NAALADL2: variants seen among roughly 807,000 people sequenced by gnomAD.
NAALADL2 encodes the protein N-acetylated alpha-linked acidic dipeptidase like 2.
In NAALADL2, 76 loss-of-function variants were observed where a neutral mutation model predicts 87.2. The ratio of observed to expected loss-of-function variants is 0.87; its 90% confidence interval spans 0.72 to 1.05. The LOEUF (loss-of-function observed/expected upper bound fraction) is 1.05. Ranked by LOEUF, NAALADL2 falls within the 50% of genes least tolerant of loss-of-function variation. The pLI is 0.00. For synonymous variants in NAALADL2, 354 were observed against 331.0 expected (o/e 1.07, Z -0.75); for missense variants, 1,089 against 945.8 (o/e 1.15, Z -1.99).
At chr3:175,140,818 A>C (rs1158381389) in intron 2 of NAALADL2, among the ~76,000 whole-genome samples, 1 of 152,240 alleles carries the variant, frequency 6.6e-6, no homozygotes, top group East Asian at 1.9e-4. Flanking sequence ...AACAGAGGGA[A>C]GATGTTGAGT....
chr3:175,796,709 C>G (rs1477749774), intron 13 of NAALADL2, among the ~76,000 whole-genome samples: 1 of 152,080 alleles, frequency 6.6e-6, no homozygotes, highest in Non-Finnish European at 1.5e-5. Flanking sequence ...GCATGTATAC[C>G]CAGTCAGTTT....
intron 9 of NAALADL2, among the ~76,000 whole-genome samples, chr3:175,571,207 G>T (rs554875158): frequency 6.6e-6 from 1 of 152,056 alleles, no homozygotes; most frequent in African/African-American, 2.4e-5. Flanking sequence ...AACTGTACTT[G>T]CAAAGAGCAT....
At chr3:175,210,533 A>G (rs1159877760) in intron 2 of NAALADL2, among the ~76,000 whole-genome samples, 1 of 151,794 alleles carries the variant, frequency 6.6e-6, no homozygotes, top group Non-Finnish European at 1.5e-5. Context: ...GTAATTATAT[A>G]TTAAATCTTA....
intron 5 of NAALADL2, among the ~76,000 whole-genome samples, chr3:175,368,699 A>G (rs1363096627): frequency 6.6e-6 from 1 of 152,022 alleles, no homozygotes; most frequent in African/African-American, 2.4e-5. Context: ...TTGTTGAGAG[A>G]ACATCATAGA....
intron 9 of NAALADL2, among the ~76,000 whole-genome samples, chr3:175,549,982 G>A (rs375786659): frequency 4.9e-4 from 75 of 152,186 alleles, no homozygotes; most frequent in African/African-American, 1.7e-3. Context: ...GGTAGGCCCA[G>A]AAGCTTATAT....
chr3:175,652,460 T>C (rs1730889302), intron 11 of NAALADL2, among the ~76,000 whole-genome samples: 1 of 151,360 alleles, frequency 6.6e-6, no homozygotes. Flanking sequence ...TGCTTAGGAC[T>C]GTTTATTTTC....
intron 2 of NAALADL2, among the ~76,000 whole-genome samples, chr3:174,718,271 A>C (rs1372496854): frequency 6.6e-6 from 1 of 152,152 alleles, no homozygotes; most frequent in Non-Finnish European, 1.5e-5. Flanking sequence ...ATATTATTTA[A>C]ATGTTTACAA....
At chr3:174,885,894 T>G (rs1411920503) in intron 1 of NAALADL2, among the ~76,000 whole-genome samples, 8 of 28,404 alleles carry the variant, frequency 2.8e-4, no homozygotes, top group African/African-American at 1.4e-3. Flanking sequence ...TTTTTTTTTT[T>G]TTTTTTTTTT....
Position 175,440,549 on chromosome 3 carries a change from G to A in NAALADL2, c.1091-6680G>A, listed in dbSNP as rs879694563. Among the ~76,000 whole-genome samples, 29 of 151,888 alleles carry A rather than the reference G, an allele frequency of 1.9e-4. 1 individual carries two copies. Among genetic ancestry groups the A allele is most frequent in the Admixed American group, 1.5e-3 (23 of 15,234 alleles). Reference sequence around the variant, plus strand: ...TGTGTTTCCATTTGTTTGTGTCATCGATGATTTCTTTCAGTAGTGTTTTGT... The same window carrying A: ...TGTGTTTCCATTTGTTTGTGTCATCAATGATTTCTTTCAGTAGTGTTTTGT... On this transcript the variant is annotated intron_variant, in intron 5 of 13. Transcript: ENST00000454872.
At chr3:175,768,555 G>A (rs778839115) in intron 13 of NAALADL2, among the ~76,000 whole-genome samples, 1 of 150,632 alleles carries the variant, frequency 6.6e-6, no homozygotes, top group African/African-American at 2.4e-5. Flanking sequence ...ATTCGGCCAG[G>A]CATTTGTTTT....
chr3:175,129,559 A>G (rs892168016), intron 2 of NAALADL2, among the ~76,000 whole-genome samples: 1 of 152,158 alleles, frequency 6.6e-6, no homozygotes. Context: ...AAAAGTGTAA[A>G]CTGTCTGTGT....
At chr3:175,359,731 T>A (rs147247315) in intron 5 of NAALADL2, among the ~76,000 whole-genome samples, 276 of 152,264 alleles carry the variant, frequency 1.8e-3, no homozygotes, top group African/African-American at 5.9e-3. Flanking sequence ...TTAAATTATA[T>A]GGAATAGAGA....
intron 2 of NAALADL2, among the ~76,000 whole-genome samples, chr3:175,181,763 A>ATATGTGTATC (rs1736578407): frequency 7.3e-6 from 1 of 136,628 alleles, no homozygotes; most frequent in Non-Finnish European, 1.5e-5. Context: ...ATGTGTGTAT[A>ATATGTGTATC]TATGTGTGTA....
At chr3:174,728,669 T>C (rs1732424557) in intron 2 of NAALADL2, among the ~76,000 whole-genome samples, 1 of 152,032 alleles carries the variant, frequency 6.6e-6, no homozygotes. Flanking sequence ...ATTTCACATA[T>C]GAGGAAATAA....
intron 3 of NAALADL2, among the ~76,000 whole-genome samples, chr3:174,828,887 T>A (rs1418260193): frequency 6.6e-6 from 1 of 152,160 alleles, no homozygotes; most frequent in African/African-American, 2.4e-5. Context: ...ATGCTCTACA[T>A]TGATAGATAA....
intron 1 of NAALADL2, among the ~76,000 whole-genome samples, chr3:174,530,668 C>A (rs1293427182): frequency 6.6e-6 from 1 of 152,144 alleles, no homozygotes; most frequent in Non-Finnish European, 1.5e-5. Flanking sequence ...GAGAAGAGAG[C>A]TTGTGTAGGG....
intron 1 of NAALADL2, among the ~76,000 whole-genome samples, chr3:174,893,867 T>C (rs535599778): frequency 1.3e-5 from 2 of 152,038 alleles, no homozygotes; most frequent in Non-Finnish European, 2.9e-5. Flanking sequence ...CCCTAACTTA[T>C]TAATAATAAC....
At chr3:175,000,922 C>G (rs1344946639) in intron 1 of NAALADL2, among the ~76,000 whole-genome samples, 1 of 152,174 alleles carries the variant, frequency 6.6e-6, no homozygotes, top group Non-Finnish European at 1.5e-5. Context: ...TAGCAGAAGA[C>G]AGGAAGCAAT....
chr3:174,547,730 T>C (rs1379298886), intron 1 of NAALADL2, among the ~76,000 whole-genome samples: 1 of 152,156 alleles, frequency 6.6e-6, no homozygotes, highest in Non-Finnish European at 1.5e-5. Flanking sequence ...CCTAGAGCAA[T>C]AGTTCTGAGT....
Sources: gnomAD v4.1 joint callset for allele counts (sites outside exome capture counted in the v4.1 genomes callset) on GRCh38, gnomAD v4.1.1 for gene constraint, MANE v1.5 for transcripts, NCBI Gene and HGNC (gene_info 2026-07-23, HGNC 2026-07-21) for gene names.